Variants in MCM5 observed in about 807,000 individuals in gnomAD.
The protein encoded by MCM5 is DNA replication licensing factor MCM5.
A neutral mutation model predicts 79.9 loss-of-function variants in MCM5; 46 were observed. The observed-to-expected ratio is 0.58, with a 90% confidence interval of 0.45 to 0.74. The LOEUF is 0.74. MCM5 is among the 30% of genes least tolerant of loss of function. The pLI is 0.00. For synonymous variants in MCM5, 404 were observed against 390.5 expected (o/e 1.03, Z -0.41); for missense variants, 883 against 1,017.0 (o/e 0.87, Z 1.79).
At chr22:35,440,131 A>G in the MCM5 span, among the ~76,000 whole-genome samples, 8 of 152,378 alleles carry the variant, frequency 5.3e-5, no homozygotes, top group Middle Eastern at 3.4e-3. Context: ...CTGGGGTCCT[A>G]GCACTTCCCC....
Position 35,403,322 on chromosome 22 carries a change from C to T in MCM5, c.283C>T (p.His95Tyr), listed in dbSNP as rs745677118. The T allele has an allele frequency of 6.2e-7, 1 of 1,614,168 alleles. No homozygotes were observed. The highest frequency in any genetic ancestry group is 1.1e-5 in the South Asian group (1 of 91,090). ...ADYLYKQPAE[H>Y]LQLLEEAAKE... The stretch of plus-strand genomic sequence containing the variant: ...CTACTTGTACAAGCAGCCAGCCGAG[C>T]ACCTGCAGCTGGTGAGTGGGACCCC... Residue 95 changes from histidine (H) to tyrosine (Y), a missense_variant, in exon 3 of 17, where the codon CAC (histidine) becomes TAC (tyrosine). His to Tyr is a moderately conservative substitution (Grantham distance 83). This residue lies in a region of MCM5 where 455 missense variants were observed against 517.5 expected (regional missense o/e 0.88). Coordinates refer to ENST00000216122, the MANE Select transcript of MCM5 (RefSeq NM_006739.4).
At chr22:35,414,227 C>T (rs1244762131) in intron 9 of MCM5, among the ~76,000 whole-genome samples, 1 of 152,208 alleles carries the variant, frequency 6.6e-6, no homozygotes, top group Non-Finnish European at 1.5e-5. Flanking sequence ...GTTTGGGTCT[C>T]ACCCTGGCCA....
At chr22:35,434,288 T>C in the MCM5 span, among the ~76,000 whole-genome samples, 1 of 149,214 alleles carries the variant, frequency 6.7e-6, no homozygotes, top group Non-Finnish European at 1.5e-5. Flanking sequence ...TTTTCCCTAC[T>C]AGCTGGAATG....
At chr22:35,443,277 C>T in the MCM5 span, among the ~76,000 whole-genome samples, 2 of 152,280 alleles carry the variant, frequency 1.3e-5, no homozygotes, top group East Asian at 3.9e-4. Flanking sequence ...ACTTCCGCCT[C>T]CCAGGTTCAA....
At chr22:35,407,875 C>T (rs1932262892) in intron 5 of MCM5, among the ~76,000 whole-genome samples, 2 of 152,188 alleles carry the variant, frequency 1.3e-5, no homozygotes, top group Non-Finnish European at 2.9e-5. Flanking sequence ...CCTTTTTGTT[C>T]AGTGCTGTGC....
chr22:35,404,363 G>A (rs2145783665), intron 4 of MCM5, among the ~76,000 whole-genome samples: 1 of 152,274 alleles, frequency 6.6e-6, no homozygotes, highest in Middle Eastern at 3.4e-3. Context: ...TACTCTGGGT[G>A]TAAGTTCTTT....
downstream of MCM5, among the ~76,000 whole-genome samples, chr22:35,429,802 C>T (rs760997652): frequency 3.3e-5 from 5 of 151,684 alleles, no homozygotes; most frequent in Non-Finnish European, 5.9e-5. Context: ...TCAAAAAGTG[C>T]AGGCCTGTGC....
At position 35,421,449 on chromosome 22, in the gene MCM5, G is replaced by C; in HGVS notation, c.1964G>C (p.Gly655Ala). The C allele has an allele frequency of 6.2e-7, 1 of 1,614,120 alleles. No homozygotes were observed. The highest frequency in any genetic ancestry group is 8.5e-7 in the Non-Finnish European group (1 of 1,180,024). Reference protein sequence around the residue: ...QVSTLDAALSGTLSGVEGFTS... With the variant: ...QVSTLDAALSATLSGVEGFTS... ...TCCACGTTGGATGCTGCCTTGTCCG[G>C]TACCCTGTCAGGTGAGCAGATGCAG... Residue 655 changes from glycine (G) to alanine (A), a missense_variant, in exon 15 of 17, where the codon GGT (glycine) becomes GCT (alanine). Physicochemically the swap from Gly to Ala is moderately conservative, Grantham distance 60. Transcript: ENST00000216122.
intron 2 of MCM5, chr22:35,401,287 CA>C: frequency 2.4e-6 from 1 of 419,132 alleles, no homozygotes. Context: ...TGAGACCTTA[CA>C]AACTCAAGTT....
chr22:35,419,378 G>A (rs912229784), intron 13 of MCM5, among the ~76,000 whole-genome samples: 4 of 152,136 alleles, frequency 2.6e-5, no homozygotes, highest in Non-Finnish European at 5.9e-5. Flanking sequence ...CACACCTACC[G>A]TCCCAGGAGA....
downstream of MCM5, among the ~76,000 whole-genome samples, chr22:35,426,775 C>A (rs1397545554): frequency 6.6e-6 from 1 of 152,164 alleles, no homozygotes; most frequent in African/African-American, 2.4e-5. Context: ...TCTGCCATCT[C>A]GGATTTCACC....
intron 7 of MCM5, 33 bp from the exon 8 acceptor site, chr22:35,412,477 G>A (rs754706737): frequency 1.3e-6 from 2 of 1,493,112 alleles, no homozygotes; most frequent in South Asian, 1.4e-5. Flanking sequence ...GAGCTCCCTT[G>A]TACTCACTCA....
chr22:35,444,843 GT>G, the MCM5 span, among the ~76,000 whole-genome samples: 1 of 152,180 alleles, frequency 6.6e-6, no homozygotes. Flanking sequence ...GCAAGACCCT[GT>G]CTATAGAAAA....
chr22:35,404,085 C>G (rs571900384), intron 4 of MCM5, among the ~76,000 whole-genome samples: 8 of 152,188 alleles, frequency 5.3e-5, no homozygotes, highest in African/African-American at 1.4e-4. Flanking sequence ...GCACTTTAGC[C>G]TGGGTGACAG....
chr22:35,415,420 C>T (rs1382371463), intron 9 of MCM5, among the ~76,000 whole-genome samples: 6 of 152,076 alleles, frequency 3.9e-5, no homozygotes, highest in Non-Finnish European at 8.8e-5. Flanking sequence ...CAGTATGTGG[C>T]GTGTAGGTCT....
chr22:35,429,129 G>C (rs1932796947), downstream of MCM5, among the ~76,000 whole-genome samples: 1 of 151,938 alleles, frequency 6.6e-6, no homozygotes. Context: ...GGGATTACAG[G>C]TGCCTGCCAC....
chr22:35,445,610 C>T, the MCM5 span, among the ~76,000 whole-genome samples: 3 of 151,406 alleles, frequency 2.0e-5, 1 homozygote, highest in South Asian at 2.1e-4. Context: ...CCTGGGTTCA[C>T]GCCATTCTCA....
At chr22:35,453,453 TAGAAAC>T in the MCM5 span, among the ~76,000 whole-genome samples, 50 of 145,420 alleles carry the variant, frequency 3.4e-4, no homozygotes, top group African/African-American at 1.1e-3. Context: ...GACAGAGAGA[TAGAAAC>T]AGAGACAGAG....
the MCM5 span, among the ~76,000 whole-genome samples, chr22:35,453,196 C>T: frequency 3.7e-4 from 57 of 152,342 alleles, no homozygotes; most frequent in African/African-American, 1.3e-3. Flanking sequence ...CCTGCAGACA[C>T]GCAGCCTCCC....
Sources: gnomAD v4.1 joint callset for allele counts (sites outside exome capture counted in the v4.1 genomes callset) on GRCh38, gnomAD v4.1.1 for gene constraint, gnomAD v4.1.1 regional missense constraint, MANE v1.5 for transcripts, NCBI Gene and HGNC (gene_info 2026-07-23, HGNC 2026-07-21) for gene names.